Variants in PLEKHA8 observed in about 807,000 individuals in gnomAD.
The protein encoded by PLEKHA8 is pleckstrin homology domain containing A8, also known as pleckstrin homology domain-containing family A member 8.
A neutral mutation model predicts 68.2 loss-of-function variants in PLEKHA8; 36 were observed. That is an observed-to-expected ratio of 0.53 (90% confidence interval 0.40 to 0.70). The LOEUF is 0.70. PLEKHA8 is among the 30% of genes least tolerant of loss of function. PLEKHA8 has a pLI of 0.00. For missense variants in PLEKHA8, 505 were observed against 615.4 expected, an observed-to-expected ratio of 0.82 and a Z score of 1.90; for synonymous variants, 211 against 216.1, an observed-to-expected ratio of 0.98 and a Z score of 0.20.
At chr7:30,090,350 C>A in exon 13 of PLEKHA8, 1 of 744,556 alleles carries the variant, frequency 1.3e-6, no homozygotes, top group Non-Finnish European at 2.1e-6. Flanking sequence ...AAAAGAATGA[C>A]TCAAATGTAT....
At chr7:30,090,308 T>C (rs531007540) in exon 13 of PLEKHA8, 3 of 1,106,152 alleles carry the variant, frequency 2.7e-6, no homozygotes, top group East Asian at 2.6e-5. Flanking sequence ...CGGGAAACAA[T>C]GGGGGAGTAT....
chr7:30,073,087 T>A (rs1416166697), intron 12 of PLEKHA8, among the ~76,000 whole-genome samples: 1 of 152,220 alleles, frequency 6.6e-6, no homozygotes, highest in East Asian at 1.9e-4. Flanking sequence ...AAAATTATGA[T>A]ATGCCAGTTT....
intron 12 of PLEKHA8, among the ~76,000 whole-genome samples, chr7:30,064,369 C>T (rs62446703): frequency 0.17 from 25,418 of 152,098 alleles, 2,161 homozygotes; most frequent in Middle Eastern, 0.22. Context: ...CTATGCAACA[C>T]GGCAAAACTC....
chr7:30,059,275 T>A (rs1230827568), intron 9 of PLEKHA8, among the ~76,000 whole-genome samples: 4 of 152,236 alleles, frequency 2.6e-5, no homozygotes, highest in Non-Finnish European at 5.9e-5. Flanking sequence ...TATTTTTTTA[T>A]TCTGTTGTAA....
chr7:30,108,067 C>CAAAAAAAAAAAAAAAAAAAAAAAAA (rs796801365), intron 13 of PLEKHA8, among the ~76,000 whole-genome samples: 5 of 52,828 alleles, frequency 9.5e-5, no homozygotes, highest in African/African-American at 3.7e-4. Context: ...AACTCCATCT[C>CAAAAAAAAAAAAAAAAAAAAAAAAA]AAAAAAAAAA....
chr7:30,116,695 A>G (rs938784241), intron 13 of PLEKHA8, among the ~76,000 whole-genome samples: 1 of 152,206 alleles, frequency 6.6e-6, no homozygotes, highest in Non-Finnish European at 1.5e-5. Context: ...ACTGTTCTGA[A>G]TAACTTTATA....
At chr7:30,062,412 G>T (rs2127989022) in intron 11 of PLEKHA8, among the ~76,000 whole-genome samples, 1 of 152,270 alleles carries the variant, frequency 6.6e-6, no homozygotes, top group Non-Finnish European at 1.5e-5. Context: ...AAATTCCCAG[G>T]TGATGCTAAA....
chr7:30,112,803 A>G lies in PLEKHA8; in HGVS notation c.1363-16463A>G, dbSNP rs531703062. 5.3e-5 allele frequency among the ~76,000 whole-genome samples: 8 copies of G among 151,994 alleles called. No homozygotes were observed. The East Asian group carries it at 1.5e-3, about 29-fold the overall frequency. ...GTAGTCCCAGCTATTTGGGAGGCTG[A>G]GGAGGGAGGATCACTTGAGCCCAGG... On this transcript the variant is annotated intron_variant, in intron 13 of 13. Coordinates refer to the PLEKHA8 transcript ENST00000396257.
rs1792049462 is a variant in PLEKHA8 at position 30,047,480 on chromosome 7, ACT to A, written c.314-347_314-346del. 3.3e-5 allele frequency among the ~76,000 whole-genome samples: 5 copies of A among 151,298 alleles called. No individual in the cohort carries two copies. The South Asian group carries it at 8.4e-4, about 25-fold the overall frequency. ...TGACCCCATTTTATAGATAGGAAAA[ACT>A]CTCTGGCAGAACTGAGGCCAAAACT... is the stretch of plus-strand genomic sequence containing the variant. On this transcript the variant is annotated intron_variant, in intron 3 of 13. Coordinates refer to ENST00000449726, the MANE Select transcript of PLEKHA8 (RefSeq NM_001197026.2).
chr7:30,130,450 A>G (rs1200551029), downstream of PLEKHA8: 3 of 152,328 alleles, frequency 2.0e-5, no homozygotes, highest in Admixed American at 6.5e-5. Flanking sequence ...AGAATATTGA[A>G]GTGTTCAAAT....
At chr7:30,041,370 T>C (rs1245376678) in intron 1 of PLEKHA8, among the ~76,000 whole-genome samples, 1 of 151,990 alleles carries the variant, frequency 6.6e-6, no homozygotes, top group African/African-American at 2.4e-5. Context: ...ATACAGAACC[T>C]GTTATAAGGA....
At chr7:30,059,088 TC>T (rs201944829) in intron 9 of PLEKHA8, among the ~76,000 whole-genome samples, 1,835 of 152,340 alleles carry the variant, frequency 0.012, 24 homozygotes, top group Middle Eastern at 0.02. Flanking sequence ...ACCACTGCAC[TC>T]CATCCTAGTT....
At chr7:30,078,506 T>C in intron 13 of PLEKHA8, 84 bp from the exon 14 acceptor site, 1 of 1,372,874 alleles carries the variant, frequency 7.3e-7, no homozygotes, top group Non-Finnish European at 1.0e-6. Context: ...TGTGAAAGTA[T>C]GTGTGTGTGC....
chr7:30,041,921 G>C (rs1343324375), intron 1 of PLEKHA8, among the ~76,000 whole-genome samples: 1 of 151,984 alleles, frequency 6.6e-6, no homozygotes, highest in Non-Finnish European at 1.5e-5. Flanking sequence ...CTTGTGTCAT[G>C]TAAAATAATG....
At chr7:30,078,294 GA>G (rs1427184950) in intron 13 of PLEKHA8, among the ~76,000 whole-genome samples, 2 of 152,180 alleles carry the variant, frequency 1.3e-5, no homozygotes, top group Non-Finnish European at 2.9e-5. Flanking sequence ...CTGTGGATCA[GA>G]AGGGAGCTTT....
intron 2 of PLEKHA8, 82 bp downstream of exon 2, chr7:30,045,283 C>CT: frequency 1.0e-6 from 1 of 978,320 alleles, no homozygotes; most frequent in Non-Finnish European, 1.6e-6. Context: ...CCCTGCATAC[C>CT]TTTCTCTGCT....
At chr7:30,098,749 G>A (rs1795731742) in intron 13 of PLEKHA8, among the ~76,000 whole-genome samples, 1 of 152,228 alleles carries the variant, frequency 6.6e-6, no homozygotes, top group African/African-American at 2.4e-5. Context: ...CTTTGACTAG[G>A]AAAGGGAATT....
chr7:30,041,645 T>G (rs1413741371), intron 1 of PLEKHA8, among the ~76,000 whole-genome samples: 1 of 152,132 alleles, frequency 6.6e-6, no homozygotes, highest in East Asian at 1.9e-4. Flanking sequence ...TTGTCCTGCC[T>G]CAGTCTCCTA....
chr7:30,084,095 CTG>C lies in PLEKHA8; in HGVS notation c.*5312_*5313del. 1.0e-6 allele frequency: 1 copy of C among 985,370 alleles called. No homozygotes were observed. Among genetic ancestry groups the C allele is most frequent in the Non-Finnish European group, 1.2e-6 (1 of 829,892 alleles). The allele number at this position is 985,370 out of a possible 1,614,324, so 61.0% of individuals were successfully genotyped here. A position where few individuals can be genotyped will look rare whatever the true frequency, so the allele number is the denominator to read the frequency against. ...TCATGTGAAATTGGCTGTGGACAAT[CTG>C]TGTCAGATGAGAAATGTGTTCAGAT... is the stretch of plus-strand genomic sequence containing the variant. On this transcript the variant is annotated 3_prime_UTR_variant, in exon 14 of 14. Transcript: ENST00000449726.
Sources: allele counts gnomAD v4.1 joint callset (sites outside exome capture counted in the v4.1 genomes callset), GRCh38; gene constraint gnomAD v4.1.1; transcripts MANE v1.5; gene names NCBI Gene and HGNC (gene_info 2026-07-23, HGNC 2026-07-21).